Variants in NEK1 observed in about 807,000 individuals in gnomAD.
The protein encoded by NEK1 is NIMA related kinase 1, also known as serine/threonine-protein kinase Nek1.
A neutral mutation model predicts 182.1 loss-of-function variants in NEK1; 137 were observed. The ratio of observed to expected loss-of-function variants is 0.75; its 90% CI spans 0.65 to 0.87. The LOEUF (loss-of-function observed/expected upper bound fraction) is 0.87. Among genes scored for constraint, NEK1 ranks in the 40% least tolerant of loss-of-function variants. The pLI is 0.00. For synonymous variants in NEK1, 513 were observed against 492.2 expected, an observed-to-expected ratio of 1.04 and a Z score of -0.56; for missense variants, 1,391 against 1,494.4, an observed-to-expected ratio of 0.93 and a Z score of 1.14.
chr4:169,473,537 A>G (rs1746402582), intron 26 of NEK1, among the ~76,000 whole-genome samples: 6 of 152,130 alleles, frequency 3.9e-5, no homozygotes, highest in Admixed American at 3.9e-4. Flanking sequence ...TAGAAATAAA[A>G]TAGATTTAAA....
chr4:169,571,175 T>TAAAAAAA (rs1404754952), intron 12 of NEK1, among the ~76,000 whole-genome samples: 1 of 104,874 alleles, frequency 9.5e-6, no homozygotes, highest in African/African-American at 3.2e-5. Flanking sequence ...GAATGATCAA[T>TAAAAAAA]AAAAAAATAA....
chr4:169,515,244 TG>T (rs1754969956), intron 19 of NEK1, among the ~76,000 whole-genome samples: 1 of 152,204 alleles, frequency 6.6e-6, no homozygotes, highest in African/African-American at 2.4e-5. Context: ...GTGCTTAAAA[TG>T]TGTATTTTGC....
intron 19 of NEK1, among the ~76,000 whole-genome samples, chr4:169,528,548 AT>A (rs1757223858): frequency 6.6e-6 from 1 of 152,244 alleles, no homozygotes; most frequent in Non-Finnish European, 1.5e-5. Flanking sequence ...GGTAGAAGAT[AT>A]AGCTAAGCTG....
chr4:169,532,926 G>T (rs2149795961), intron 19 of NEK1, among the ~76,000 whole-genome samples: 2 of 150,766 alleles, frequency 1.3e-5, no homozygotes, highest in Admixed American at 1.3e-4. Flanking sequence ...TAGAAAGAAA[G>T]GAAAGGAAAG....
intron 23 of NEK1, among the ~76,000 whole-genome samples, chr4:169,500,299 AC>A (rs1389150453): frequency 6.6e-6 from 1 of 151,734 alleles, no homozygotes; most frequent in African/African-American, 2.4e-5. Context: ...GCCGTCTGTC[AC>A]CCCTTTCTTT....
intron 27 of NEK1, among the ~76,000 whole-genome samples, chr4:169,440,448 T>C (rs906146917): frequency 6.6e-6 from 1 of 152,184 alleles, no homozygotes; most frequent in African/African-American, 2.4e-5. Flanking sequence ...ATTATATTAA[T>C]TGATTTGGAA....
Position 169,398,244 on chromosome 4 carries a change from CAT to C in NEK1, c.3847+1979_3847+1980del, listed in dbSNP as rs528313408. On this transcript the variant is annotated intron_variant, in intron 35 of 35. Transcript: ENST00000507142. ...TTTTTTAATATTTAGAAAAATACAA[CAT>C]GTTTTACAGTAATAATTCACAACTA... Among the ~76,000 whole-genome samples the C allele has an allele frequency of 8.0e-4, 120 of 150,718 alleles. 1 individual carries two copies. Among genetic ancestry groups the C allele is most frequent in the African/African-American group, 2.7e-3 (110 of 41,196 alleles).
chr4:169,560,933 G>A (rs372886240), intron 16 of NEK1, among the ~76,000 whole-genome samples: 2 of 152,250 alleles, frequency 1.3e-5, no homozygotes, highest in Admixed American at 1.3e-4. Context: ...GAGGTGGGAC[G>A]TGAGGGTGAG....
intron 18 of NEK1, among the ~76,000 whole-genome samples, chr4:169,539,202 T>C (rs1380431795): frequency 6.6e-6 from 1 of 152,136 alleles, no homozygotes; most frequent in Admixed American, 6.5e-5. Flanking sequence ...TTAGCTTGAG[T>C]AGGCTGAACA....
At chr4:169,537,507 T>A (rs1758700362) in intron 19 of NEK1, among the ~76,000 whole-genome samples, 1 of 151,300 alleles carries the variant, frequency 6.6e-6, no homozygotes, top group South Asian at 2.1e-4. Context: ...ACTTATTTCT[T>A]TATCTGGGTT....
intron 23 of NEK1, among the ~76,000 whole-genome samples, chr4:169,500,697 C>T (rs1175971023): frequency 6.6e-6 from 1 of 152,158 alleles, no homozygotes; most frequent in Non-Finnish European, 1.5e-5. Flanking sequence ...TAAAGTTTTT[C>T]CCAGACAAGC....
At chr4:169,573,655 T>A (rs1765219119) in intron 12 of NEK1, among the ~76,000 whole-genome samples, 2 of 150,092 alleles carry the variant, frequency 1.3e-5, no homozygotes, top group South Asian at 4.2e-4. Context: ...AGGAAGTTAT[T>A]AGGATTCATG....
intron 19 of NEK1, among the ~76,000 whole-genome samples, chr4:169,522,712 A>C (rs908777007): frequency 2.0e-5 from 3 of 152,154 alleles, no homozygotes; most frequent in African/African-American, 7.2e-5. Context: ...GGTACCATGA[A>C]TAAGTTGTGG....
intron 19 of NEK1, among the ~76,000 whole-genome samples, chr4:169,522,319 C>A (rs1402565724): frequency 1.3e-5 from 2 of 152,150 alleles, no homozygotes; most frequent in Admixed American, 6.6e-5. Context: ...ATCACAGCAA[C>A]TTTCAAACCC....
At chr4:169,454,935 C>T (rs527703088) in intron 27 of NEK1, among the ~76,000 whole-genome samples, 10 of 152,198 alleles carry the variant, frequency 6.6e-5, no homozygotes, top group Non-Finnish European at 1.5e-4. Context: ...ACCCAAATGC[C>T]ATCAATGATA....
intron 26 of NEK1, among the ~76,000 whole-genome samples, chr4:169,467,202 A>T (rs1745091832): frequency 6.6e-6 from 1 of 152,160 alleles, no homozygotes; most frequent in African/African-American, 2.4e-5. Flanking sequence ...AATTGGCTTT[A>T]TGTTATTGAT....
chr4:169,561,424 A>C, intron 16 of NEK1, 56 bp downstream of exon 16: 2 of 1,439,652 alleles, frequency 1.4e-6, no homozygotes, highest in South Asian at 2.3e-5. Flanking sequence ...TTTATAGAAC[A>C]AGGTGGAACT....
At chr4:169,420,767 C>T (rs1735357538) in intron 31 of NEK1, among the ~76,000 whole-genome samples, 1 of 151,880 alleles carries the variant, frequency 6.6e-6, no homozygotes, top group Non-Finnish European at 1.5e-5. Context: ...GCTAAAAATA[C>T]TAAATCCAAA....
intron 31 of NEK1, among the ~76,000 whole-genome samples, chr4:169,423,639 T>G (rs981625082): frequency 6.6e-6 from 1 of 152,208 alleles, no homozygotes; most frequent in Non-Finnish European, 1.5e-5. Flanking sequence ...GACAGCACTA[T>G]AAACTATTTG....
Sources: allele counts gnomAD v4.1 joint callset (sites outside exome capture counted in the v4.1 genomes callset), GRCh38; gene constraint gnomAD v4.1.1; transcripts MANE v1.5; gene names NCBI Gene and HGNC (gene_info 2026-07-23, HGNC 2026-07-21).